KMO: variants seen among roughly 807,000 people sequenced by gnomAD.
KMO encodes kynurenine 3-monooxygenase, also known as kynurenine 3-hydroxylase.
In KMO, 24 loss-of-function variants were observed where a neutral mutation model predicts 57.8. The observed-to-expected ratio is 0.42, with a 90% CI of 0.30 to 0.58. The LOEUF is 0.58. KMO is among the 20% of genes least tolerant of loss of function. The pLI is 0.22. For synonymous variants in KMO, 210 were observed against 193.6 expected (o/e 1.08, Z -0.70); for missense variants, 483 against 588.2 (o/e 0.82, Z 1.85).
intron 4 of KMO, 26 bp downstream of exon 4, chr1:241,551,070 G>T: frequency 7.8e-7 from 1 of 1,274,894 alleles, no homozygotes; most frequent in Non-Finnish European, 1.1e-6. Flanking sequence ...AGATCATTGT[G>T]CATTGATTAT....
At chr1:241,576,537 A>G (rs1265230885) in intron 10 of KMO, among the ~76,000 whole-genome samples, 2 of 152,126 alleles carry the variant, frequency 1.3e-5, no homozygotes, top group Non-Finnish European at 2.9e-5. Context: ...GCTGGATATA[A>G]AATTCTTGGG....
intron 2 of KMO, among the ~76,000 whole-genome samples, 198 bp downstream of exon 2, chr1:241,549,096 G>C (rs1181315206): frequency 4.6e-5 from 7 of 151,740 alleles, no homozygotes; most frequent in African/African-American, 1.5e-4. Flanking sequence ...TTGGACCCAG[G>C]AGGCGGAGGT....
chr1:241,562,420 A>G, intron 7 of KMO, 88 bp downstream of exon 7: 1 of 1,331,954 alleles, frequency 7.5e-7, no homozygotes, highest in South Asian at 1.3e-5. Context: ...TCTCAGCAGC[A>G]TGTCTTGATC....
chr1:241,534,267 C>G (rs1218045574), intron 1 of KMO, among the ~76,000 whole-genome samples: 1 of 152,140 alleles, frequency 6.6e-6, no homozygotes, highest in Non-Finnish European at 1.5e-5. Flanking sequence ...ACTAAGGTGG[C>G]AGCAGTGATG....
chr1:241,555,081 C>A (rs1001926707), intron 4 of KMO, among the ~76,000 whole-genome samples: 1 of 152,086 alleles, frequency 6.6e-6, no homozygotes, highest in African/African-American at 2.4e-5. Context: ...CAGAAACAAC[C>A]AACACATGTT....
rs1397031509 is a variant in KMO, at chr1:241,581,567, CAACTT to C, written c.958-5108_958-5104del. On this transcript the variant is annotated intron_variant, in intron 10 of 14. Transcript: ENST00000366559. ...ACAACCAAGTATTTTAAACTGATGA[CAACTT>C]AACCCGGATTACAAAGAAAAAGAAA... is the stretch of plus-strand genomic sequence containing the variant. Among the ~76,000 whole-genome samples, 4 of 150,422 alleles carry C rather than the reference CAACTT, an allele frequency of 2.7e-5. No homozygotes were observed. The East Asian group carries it at 7.8e-4, about 29-fold the overall frequency.
In KMO at chr1:241,566,621, C is replaced by CA. The variant is rs760071816; in HGVS notation, c.809+11dup. ...ATCCCTCTAATTGGAGAGTAAGTTG[C>CA]AAGATGTGCCTTTTGCTCCATTTGT... On this transcript the variant is annotated intron_variant, in intron 9 of 14. Coordinates refer to ENST00000366559, the MANE Select transcript of KMO (RefSeq NM_003679.5). The CA allele has an allele frequency of 3.7e-6, 6 of 1,613,180 alleles. No individual in the cohort carries two copies. In the South Asian group the frequency reaches 6.6e-5, roughly 18 times the overall value.
chr1:241,552,379 A>T, intron 4 of KMO, among the ~76,000 whole-genome samples: 1 of 152,094 alleles, frequency 6.6e-6, no homozygotes, highest in East Asian at 1.9e-4. Context: ...GTTTTTCTTT[A>T]TCGTCACTTT....
intron 10 of KMO, among the ~76,000 whole-genome samples, chr1:241,575,820 C>T (rs942568502): frequency 4.6e-5 from 7 of 151,968 alleles, no homozygotes; most frequent in Non-Finnish European, 1.0e-4. Flanking sequence ...CCATTGACAG[C>T]ACTAGACAGA....
At chr1:241,562,930 G>C (rs990856418) in intron 7 of KMO, among the ~76,000 whole-genome samples, 2 of 62,528 alleles carry the variant, frequency 3.2e-5, no homozygotes, top group African/African-American at 8.9e-5. Context: ...AAGGAAGGAA[G>C]GAAGGAAGGA....
Position 241,560,765 on chromosome 1 carries a change from C to A in KMO, c.449+13C>A. 1.3e-6 allele frequency: 2 copies of A among 1,587,704 alleles called. No homozygotes were observed. Among genetic ancestry groups the A allele is most frequent in the South Asian group, 1.1e-5 (1 of 90,502 alleles). ...TCACAGTGCTTGGGTAACTACGGGTCAGGTTTTGGACTTCAGAGGTGAAAG... is the reference window on the plus strand; with the variant it reads ...TCACAGTGCTTGGGTAACTACGGGTAAGGTTTTGGACTTCAGAGGTGAAAG... On this transcript the variant is annotated intron_variant, in intron 6 of 14. Transcript: ENST00000366559.
intron 5 of KMO, among the ~76,000 whole-genome samples, chr1:241,557,008 C>T (rs1661653932): frequency 6.7e-6 from 1 of 149,710 alleles, no homozygotes; most frequent in African/African-American, 2.5e-5. Context: ...TCTCTGGGCA[C>T]AGAAGGGCCC....
chr1:241,580,004 A>G (rs1662689723), intron 10 of KMO, among the ~76,000 whole-genome samples: 1 of 152,206 alleles, frequency 6.6e-6, no homozygotes, highest in African/African-American at 2.4e-5. Context: ...TGCTCACTAA[A>G]TCAGTTCCAG....
intron 1 of KMO, among the ~76,000 whole-genome samples, chr1:241,543,046 C>A (rs759810708): frequency 1.3e-5 from 2 of 152,116 alleles, no homozygotes; most frequent in Non-Finnish European, 2.9e-5. Context: ...CATATTTATA[C>A]GAGATCTATT....
chr1:241,592,438 C>A lies in KMO; in HGVS notation c.*285C>A. ...CCTTCACTTCTCTGAAAGTAAGGCCCTAGATGCCTCAGGGAAGACAGTAAT... is the reference window on the plus strand; with the variant it reads ...CCTTCACTTCTCTGAAAGTAAGGCCATAGATGCCTCAGGGAAGACAGTAAT... On this transcript the variant is annotated 3_prime_UTR_variant, in exon 15 of 15. Coordinates refer to ENST00000366559, the MANE Select transcript of KMO (RefSeq NM_003679.5). 2.5e-6 allele frequency: 1 copy of A among 398,900 alleles called. No individual in the cohort carries two copies. The highest frequency in any genetic ancestry group is 2.6e-5 in the South Asian group (1 of 37,802). The allele number at this position is 398,900 out of a possible 1,614,324, so 24.7% of individuals were successfully genotyped here.
chr1:241,567,088 C>T (rs1203963997), intron 9 of KMO, among the ~76,000 whole-genome samples: 1 of 152,150 alleles, frequency 6.6e-6, no homozygotes, highest in African/African-American at 2.4e-5. Context: ...TAAATGAGAT[C>T]GTGTCTATAA....
chr1:241,576,733 T>G (rs756425242), intron 10 of KMO, among the ~76,000 whole-genome samples: 4 of 152,132 alleles, frequency 2.6e-5, no homozygotes, highest in Non-Finnish European at 5.9e-5. Context: ...CTTGGTGATG[T>G]TCTTTTTGTA....
intron 10 of KMO, among the ~76,000 whole-genome samples, chr1:241,586,268 G>A (rs1392518405): frequency 2.9e-5 from 4 of 137,526 alleles, no homozygotes; most frequent in Admixed American, 8.4e-5. Context: ...GAGCGATCTC[G>A]GCTCACTGCA....
intron 10 of KMO, among the ~76,000 whole-genome samples, chr1:241,571,996 A>G (rs1426036744): frequency 1.3e-5 from 2 of 149,996 alleles, no homozygotes; most frequent in Non-Finnish European, 3.0e-5. Context: ...CCTCCCCAGT[A>G]GCTGGGACTA....
Sources: gnomAD v4.1 joint callset for allele counts (sites outside exome capture counted in the v4.1 genomes callset) on GRCh38, gnomAD v4.1.1 for gene constraint, MANE v1.5 for transcripts, NCBI Gene and HGNC (gene_info 2026-07-23, HGNC 2026-07-21) for gene names.